The following OR5A2 variants were observed in gnomAD, a reference collection of about 807,000 sequenced individuals.
OR5A2 encodes olfactory receptor 5A2.
For missense variants in OR5A2, 406 were observed against 398.9 expected, an observed-to-expected ratio of 1.02 and a Z score of -0.15; for synonymous variants, 155 against 151.1, an observed-to-expected ratio of 1.03 and a Z score of -0.19.
chr11:59,418,617 C>T lies in OR5A2; in HGVS notation c.*3362G>A, dbSNP rs1243945526. ...GATTATATGCCCCATAATAAATACACTTGTTTAGGAAATATTTAACATGTG... is the reference window on the plus strand; with the variant it reads ...GATTATATGCCCCATAATAAATACATTTGTTTAGGAAATATTTAACATGTG... On this transcript the variant is annotated 3_prime_UTR_variant, in exon 2 of 2. Coordinates refer to ENST00000302040, the MANE Select transcript of OR5A2 (RefSeq NM_001001954.2). 6.6e-6 allele frequency: 1 copy of T among 152,108 alleles called. No homozygotes were observed. Among genetic ancestry groups the T allele is most frequent in the Non-Finnish European group, 1.5e-5 (1 of 68,018 alleles). 9.4% of individuals were successfully genotyped at this position (152,108 alleles called of 1,614,324 possible).
In OR5A2 at chr11:59,422,481, A is replaced by G. The variant is rs556992111; in HGVS notation, c.473T>C (p.Phe158Ser). ...CTGATAGACAGAGTATGTTTCAATG[A>G]AAGAACTAAGGAATCCACCCACATA... ...GAYVGGFLSSFIETYSVYQHD... is the reference protein window; with the variant it reads ...GAYVGGFLSSSIETYSVYQHD... The change falls in exon 2 of 2, where the codon TTC (phenylalanine) becomes TCC (serine). Residue 158 changes from phenylalanine to serine, a missense_variant. Transcript: ENST00000302040. 1.9e-6 allele frequency: 3 copies of G among 1,614,184 alleles called. No individual in the cohort carries two copies. The East Asian group carries it at 6.7e-5, about 36-fold the overall frequency.
At position 59,422,083 on chromosome 11, in the gene OR5A2, A is replaced by G. The variant is rs1738550741; in HGVS notation, c.871T>C (p.Tyr291His). The change falls in exon 2 of 2, where the codon TAC (tyrosine) becomes CAC (histidine). Residue 291 changes from tyrosine to histidine, a missense_variant. Transcript: ENST00000302040. ...TTAATCTCCTTATTCCTAAAACTGT[A>G]GATGATGGGATTCACCACGGGGATC... Reference protein sequence around the residue: ...LVIPVVNPIIYSFRNKEIKNA... With the variant: ...LVIPVVNPIIHSFRNKEIKNA... 1 of 1,614,144 alleles carries G rather than the reference A, an allele frequency of 6.2e-7. No individual in the cohort carries two copies. The highest frequency in any genetic ancestry group is 8.5e-7 in the Non-Finnish European group (1 of 1,180,002).
At chr11:59,424,769 TATC>T (rs1858274591) in intron 1 of OR5A2, 1 of 152,232 alleles carries the variant, frequency 6.6e-6, no homozygotes, top group South Asian at 2.1e-4. Flanking sequence ...CTGTGTCACT[TATC>T]ATATTAAAAA....
intron 1 of OR5A2, chr11:59,423,693 G>T (rs1321586519): frequency 6.6e-6 from 1 of 151,916 alleles, no homozygotes; most frequent in Non-Finnish European, 1.5e-5. Flanking sequence ...GTGTATGTTT[G>T]TGCATATATA....
In OR5A2 at chr11:59,423,000, T is replaced by C; in HGVS notation, c.-47A>G. On this transcript the variant is annotated 5_prime_UTR_variant, in exon 2 of 2. Transcript: ENST00000302040. ...TCTTTACTTTCTTCTTTAAGAATCC[T>C]GTGGTCAGCTAGATTTTGTTTGTTA... 6.5e-7 allele frequency: 1 copy of C among 1,541,422 alleles called. No individual in the cohort carries two copies. Among genetic ancestry groups the C allele is most frequent in the Non-Finnish European group, 8.8e-7 (1 of 1,141,674 alleles).
chr11:59,422,736 C>G lies in OR5A2; in HGVS notation c.218G>C (p.Cys73Ser). 6.2e-7 allele frequency: 1 copy of G among 1,614,040 alleles called. No homozygotes were observed. Among genetic ancestry groups the G allele is most frequent in the South Asian group, 1.1e-5 (1 of 91,070 alleles). The change falls in exon 2 of 2, where the codon TGC becomes TCC. Residue 73 changes from cysteine to serine, a missense_variant. By Grantham distance (112) the Cys-to-Ser change is moderately radical (BLOSUM62 -1). Transcript: ENST00000302040. ...CTTAGGGGCGGTGGAGGACACATAGCAGATGTCCAGGAAGGACAGGTTACT... is the reference window on the plus strand; with the variant it reads ...CTTAGGGGCGGTGGAGGACACATAGGAGATGTCCAGGAAGGACAGGTTACT... The part of the protein sequence containing the change: ...FLSNLSFLDI[C>S]YVSSTAPKML...
rs753316017 is a variant in OR5A2, at chr11:59,422,498, AC to A, written c.455del (p.Gly152ValfsTer23). ...TTTCAATGAAAGAACTAAGGAATCCACCCACATAGGCGCCAACCACCATCTT... is the reference window on the plus strand; with the variant it reads ...TTTCAATGAAAGAACTAAGGAATCCACCACATAGGCGCCAACCACCATCTT... ...CLKMVVGAYV[G>X]GFLSSFIETY... On this transcript the variant is annotated frameshift_variant, in exon 2 of 2. Transcript: ENST00000302040. LOFTEE classifies it low-confidence loss of function (END_TRUNC). 3.3e-5 allele frequency: 54 copies of A among 1,614,040 alleles called. No individual in the cohort carries two copies. Among genetic ancestry groups the A allele is most frequent in the Non-Finnish European group, 4.3e-5 (51 of 1,180,034 alleles).
In OR5A2 at chr11:59,422,826, T is replaced by A; in HGVS notation, c.128A>T (p.Asn43Ile). ...LGLYLLTLAWNLSLIALIKMD... is the reference protein window; with the variant it reads ...LGLYLLTLAWILSLIALIKMD... ...CTTAATGAGGGCAATGAGGCTTAAG[T>A]TCCAGGCCAACGTCAGGAGGTAGAG... is the stretch of plus-strand genomic sequence containing the variant. Residue 43 changes from asparagine to isoleucine, a missense_variant, in exon 2 of 2, where the codon AAC becomes ATC. By Grantham distance (149) the Asn-to-Ile change is moderately radical. Coordinates refer to ENST00000302040, the MANE Select transcript of OR5A2 (RefSeq NM_001001954.2). 6.2e-7 allele frequency: 1 copy of A among 1,614,164 alleles called. No individual in the cohort carries two copies. The highest frequency in any genetic ancestry group is 1.3e-5 in the African/African-American group (1 of 75,046).
Position 59,422,106 on chromosome 11 carries a change from A to T in OR5A2, c.848T>A (p.Ile283Asn). The T allele has an allele frequency of 1.2e-6, 2 of 1,614,050 alleles. 1 individual carries two copies. The highest frequency in any genetic ancestry group is 2.2e-5 in the South Asian group (2 of 91,048). The change falls in exon 2 of 2, where the codon ATC (isoleucine) becomes AAC (asparagine). Residue 283 changes from isoleucine (I) to asparagine (N), a missense_variant. Ile to Asn is a moderately radical substitution (Grantham distance 149). Coordinates refer to ENST00000302040, the MANE Select transcript of OR5A2 (RefSeq NM_001001954.2). ...KVVSIFYALV[I>N]PVVNPIIYSF... ...GTAGATGATGGGATTCACCACGGGG[A>T]TCACCAAGGCATAGAATATGGACAC...
In OR5A2 at chr11:59,420,942, C is replaced by G. The variant is rs774558844; in HGVS notation, c.*1037G>C. On this transcript the variant is annotated 3_prime_UTR_variant, in exon 2 of 2. Coordinates refer to ENST00000302040, the MANE Select transcript of OR5A2 (RefSeq NM_001001954.2). ...GTTTTATTCAAATTGTTTTAGTGGCCTCTTTTTGTAGTTGATTGAATTGGC... is the reference window on the plus strand; with the variant it reads ...GTTTTATTCAAATTGTTTTAGTGGCGTCTTTTTGTAGTTGATTGAATTGGC... 1 of 152,102 alleles carries G rather than the reference C, an allele frequency of 6.6e-6. No homozygotes were observed. The highest frequency in any genetic ancestry group is 2.4e-5 in the African/African-American group (1 of 41,422). The allele number at this position is 152,102 out of a possible 1,614,324, so 9.4% of individuals were successfully genotyped here.
chr11:59,422,244 T>C lies in OR5A2; in HGVS notation c.710A>G (p.Lys237Arg). 1.2e-6 allele frequency: 2 copies of C among 1,614,106 alleles called. No individual in the cohort carries two copies. Among genetic ancestry groups the C allele is most frequent in the African/African-American group, 1.3e-5 (1 of 75,022 alleles). Residue 237 changes from lysine to arginine, a missense_variant, in exon 2 of 2, where the codon AAG becomes AGG. Coordinates refer to ENST00000302040, the MANE Select transcript of OR5A2 (RefSeq NM_001001954.2). Reference sequence around the variant, plus strand: ...GTGAGAGGCACAAGTGCTGAAGGCCTTTGTCCTACCTGTAGCTGAGCTGAT... The same window carrying C: ...GTGAGAGGCACAAGTGCTGAAGGCCCTTGTCCTACCTGTAGCTGAGCTGAT... The part of the protein sequence containing the change: ...VKISSATGRT[K>R]AFSTCASHLT...
At position 59,421,918 on chromosome 11, in the gene OR5A2, C is replaced by T; in HGVS notation, c.*61G>A. ...TCCCACAATTCATTCTATAGATCAA[C>T]TAGTTTAAAATTATGTAAATGTCTG... On this transcript the variant is annotated 3_prime_UTR_variant, in exon 2 of 2. Transcript: ENST00000302040. 4 of 1,471,432 alleles carry T rather than the reference C, an allele frequency of 2.7e-6. No individual in the cohort carries two copies. The South Asian group carries it at 5.5e-5, about 20-fold the overall frequency. The allele number at this position is 1,471,432 out of a possible 1,614,324, so 91.1% of individuals were successfully genotyped here.
At position 59,419,273 on chromosome 11, in the gene OR5A2, A is replaced by C. The variant is rs1565069566; in HGVS notation, c.*2706T>G. 1 of 152,156 alleles carries C rather than the reference A, an allele frequency of 6.6e-6. No individual in the cohort carries two copies. The highest frequency in any genetic ancestry group is 1.5e-5 in the Non-Finnish European group (1 of 68,022). The allele number at this position is 152,156 out of a possible 1,614,324, so 9.4% of individuals were successfully genotyped here. ...TATTTCTTTGGTCTCTTTTTAACAC[A>C]TTACCCGGATTTTCCTTGACTTATA... On this transcript the variant is annotated 3_prime_UTR_variant, in exon 2 of 2. Transcript: ENST00000302040.
Position 59,422,544 on chromosome 11 carries a change from A to G in OR5A2, c.410T>C (p.Ile137Thr). The G allele has an allele frequency of 6.2e-7, 1 of 1,614,238 alleles. No individual in the cohort carries two copies. The highest frequency in any genetic ancestry group is 8.5e-7 in the Non-Finnish European group (1 of 1,180,040). Residue 137 changes from isoleucine to threonine, a missense_variant, in exon 2 of 2, where the codon ATA (isoleucine) becomes ACA (threonine). Transcript: ENST00000302040. ...CATCTTTAAACAAAGTGTATGGGATATGAGGACTGTGTAAAGCAAGGGGTT... is the reference window on the plus strand; with the variant it reads ...CATCTTTAAACAAAGTGTATGGGATGTGAGGACTGTGTAAAGCAAGGGGTT... Reference protein sequence around the residue: ...ICNPLLYTVLISHTLCLKMVV... With the variant: ...ICNPLLYTVLTSHTLCLKMVV...
In OR5A2 at chr11:59,422,958, C is replaced by T. The variant is rs1248802041; in HGVS notation, c.-5G>A. 6.2e-7 allele frequency: 1 copy of T among 1,604,216 alleles called. No individual in the cohort carries two copies. The highest frequency in any genetic ancestry group is 1.1e-5 in the South Asian group (1 of 89,476). On this transcript the variant is annotated 5_prime_UTR_variant, in exon 2 of 2. Coordinates refer to ENST00000302040, the MANE Select transcript of OR5A2 (RefSeq NM_001001954.2). ...GTTGTTCCTTCCTACAGCCATAGGC[C>T]TGCTTCCTGCATAAAGTCTTTACTT...
chr11:59,422,076 A>T lies in OR5A2; in HGVS notation c.878T>A (p.Phe293Tyr). The T allele has an allele frequency of 6.2e-7, 1 of 1,614,080 alleles. No homozygotes were observed. Among genetic ancestry groups the T allele is most frequent in the Non-Finnish European group, 8.5e-7 (1 of 1,179,982 alleles). ...IPVVNPIIYS[F>Y]RNKEIKNAMR... ...GGCATTTTTAATCTCCTTATTCCTA[A>T]AACTGTAGATGATGGGATTCACCAC... Residue 293 changes from phenylalanine to tyrosine, a missense_variant, in exon 2 of 2, where the codon TTT becomes TAT. Coordinates refer to ENST00000302040, the MANE Select transcript of OR5A2 (RefSeq NM_001001954.2).
rs1204109255 is a variant in OR5A2 at position 59,417,917 on chromosome 11, G to T, written c.*4062C>A. ...ATGGTGCATAGGACAACAACAAGGT[G>T]TCTACAAAACTCTAACACTTAAACC... On this transcript the variant is annotated 3_prime_UTR_variant, in exon 2 of 2. Coordinates refer to ENST00000302040, the MANE Select transcript of OR5A2 (RefSeq NM_001001954.2). 6.6e-6 allele frequency: 1 copy of T among 152,070 alleles called. No homozygotes were observed. Among genetic ancestry groups the T allele is most frequent in the Non-Finnish European group, 1.5e-5 (1 of 67,990 alleles). 9.4% of individuals were successfully genotyped at this position (152,070 alleles called of 1,614,324 possible). A position where few individuals can be genotyped will look rare whatever the true frequency, so the allele number is the denominator to read the frequency against.
In OR5A2 at chr11:59,422,466, G is replaced by C; in HGVS notation, c.488C>G (p.Ser163Cys). ...CCCACAGAAATCATGCTGATAGACA[G>C]AGTATGTTTCAATGAAAGAACTAAG... ...GFLSSFIETYSVYQHDFCGPY... is the reference protein window; with the variant it reads ...GFLSSFIETYCVYQHDFCGPY... Residue 163 changes from serine to cysteine, a missense_variant, in exon 2 of 2, where the codon TCT (serine) becomes TGT (cysteine). Coordinates refer to ENST00000302040, the MANE Select transcript of OR5A2 (RefSeq NM_001001954.2). 1 of 1,614,180 alleles carries C rather than the reference G, an allele frequency of 6.2e-7. No homozygotes were observed. The highest frequency in any genetic ancestry group is 1.3e-5 in the African/African-American group (1 of 75,058).
At position 59,426,392 on chromosome 11, in the gene OR5A2, A is replaced by G. The variant is rs928147160; in HGVS notation, c.-313T>C. ...CTTTGTTAACAAGTCTTCCAAATAA[A>G]TGGGCTGTGGGAGTTCATTATTTTA... On this transcript the variant is annotated 5_prime_UTR_variant, in exon 1 of 2. Coordinates refer to ENST00000302040, the MANE Select transcript of OR5A2 (RefSeq NM_001001954.2). 1.3e-5 allele frequency: 2 copies of G among 152,194 alleles called. No individual in the cohort carries two copies. The highest frequency in any genetic ancestry group is 4.8e-5 in the African/African-American group (2 of 41,448). The allele number at this position is 152,194 out of a possible 1,614,324, so 9.4% of individuals were successfully genotyped here. A position where few individuals can be genotyped will look rare whatever the true frequency, so the allele number is the denominator to read the frequency against.
Sources: allele counts gnomAD v4.1 joint callset, GRCh38; gene constraint gnomAD v4.1.1; transcripts MANE v1.5; gene names NCBI Gene and HGNC (gene_info 2026-07-23, HGNC 2026-07-21).